Variants in MRAP2 observed in about 807,000 individuals in gnomAD.
MRAP2 encodes the protein melanocortin 2 receptor accessory protein 2.
A neutral mutation model predicts 17.4 loss-of-function variants in MRAP2; 20 were observed. That is an observed-to-expected ratio of 1.15 (90% CI 0.81 to 1.67). The LOEUF (loss-of-function observed/expected upper bound fraction) is 1.67, where lower values mean the gene tolerates loss of function less well. Among genes scored for constraint, MRAP2 ranks in the 40% most tolerant of loss-of-function variants. MRAP2 has a pLI of 0.00. For missense variants in MRAP2, 238 were observed against 240.0 expected (o/e 0.99, Z 0.05); for synonymous variants, 96 against 88.4 (o/e 1.09, Z -0.48).
At chr6:84,120,718 G>T in the MRAP2 span, among the ~76,000 whole-genome samples, 1 of 152,102 alleles carries the variant, frequency 6.6e-6, no homozygotes, top group Non-Finnish European at 1.5e-5. Flanking sequence ...CTTGCATTTG[G>T]AATGAATGGC....
chr6:84,142,507 A>C, the MRAP2 span, among the ~76,000 whole-genome samples: 6 of 152,170 alleles, frequency 3.9e-5, no homozygotes, highest in Admixed American at 2.0e-4. Context: ...ACAGAAAAAG[A>C]AGCACTTACA....
At chr6:84,136,908 C>G in the MRAP2 span, among the ~76,000 whole-genome samples, 1 of 152,168 alleles carries the variant, frequency 6.6e-6, no homozygotes, top group Non-Finnish European at 1.5e-5. Flanking sequence ...GGCCACACAC[C>G]AGGCACCTAG....
At chr6:84,079,046 A>G (rs186492383) in intron 3 of MRAP2, among the ~76,000 whole-genome samples, 2 of 152,312 alleles carry the variant, frequency 1.3e-5, no homozygotes, top group Non-Finnish European at 2.9e-5. Context: ...ACATGACTCA[A>G]TTCTATTCTT....
chr6:84,137,092 A>G, the MRAP2 span, among the ~76,000 whole-genome samples: 3 of 152,228 alleles, frequency 2.0e-5, no homozygotes, highest in Non-Finnish European at 4.4e-5. Flanking sequence ...CAAGGGAATA[A>G]GAGTCATACC....
rs1168701822 is a variant in MRAP2, at chr6:84,081,229, G to C, written c.228-7862G>C. Among the ~76,000 whole-genome samples the C allele has an allele frequency of 2.0e-5, 3 of 152,174 alleles. No individual in the cohort carries two copies. The East Asian group carries it at 5.8e-4, about 29-fold the overall frequency. Reference sequence around the variant, plus strand: ...ATGAAAAAGGTAGGCATTAAGAGGGGTCAAAGTCTCATTATGATATGGAGT... The same window carrying C: ...ATGAAAAAGGTAGGCATTAAGAGGGCTCAAAGTCTCATTATGATATGGAGT... On this transcript the variant is annotated intron_variant, in intron 3 of 3. Coordinates refer to ENST00000257776, the MANE Select transcript of MRAP2 (RefSeq NM_138409.4).
intron 1 of MRAP2, among the ~76,000 whole-genome samples, chr6:84,040,923 A>G (rs2099487379): frequency 6.6e-6 from 1 of 152,242 alleles, no homozygotes; most frequent in African/African-American, 2.4e-5. Flanking sequence ...AAATTTGCAT[A>G]AGTAACAAGG....
intron 1 of MRAP2, among the ~76,000 whole-genome samples, chr6:84,034,630 G>A (rs981734477): frequency 1.3e-5 from 2 of 151,798 alleles, no homozygotes; most frequent in Non-Finnish European, 2.9e-5. Flanking sequence ...ATGTTAGATG[G>A]CACAGAATCT....
chr6:84,114,348 C>G, the MRAP2 span, among the ~76,000 whole-genome samples: 1 of 151,888 alleles, frequency 6.6e-6, no homozygotes, highest in Non-Finnish European at 1.5e-5. Flanking sequence ...CTCTGATGTC[C>G]TTTCTTCCAC....
the MRAP2 span, among the ~76,000 whole-genome samples, chr6:84,142,615 A>G: frequency 6.6e-6 from 1 of 152,204 alleles, no homozygotes; most frequent in South Asian, 2.1e-4. Context: ...TGATTAGTTT[A>G]ACATTACTGA....
rs1000522362 is a variant in MRAP2, at chr6:84,057,579, A to G, written c.127+2134A>G. 5.8e-4 allele frequency among the ~76,000 whole-genome samples: 88 copies of G among 152,186 alleles called. 1 individual carries two copies. The highest frequency in any genetic ancestry group is 1.0e-4 in the Non-Finnish European group (7 of 68,022). On this transcript the variant is annotated intron_variant, in intron 2 of 3. Transcript: ENST00000257776. The stretch of plus-strand genomic sequence containing the variant: ...TGTATCAGAAGTGGACATGTATCTG[A>G]TACAGATTTGGCACCAACAAAGTGG...
chr6:84,055,467 A>G, intron 2 of MRAP2, 22 bp downstream of exon 2: 2 of 1,605,428 alleles, frequency 1.2e-6, no homozygotes, highest in South Asian at 1.1e-5. Context: ...ACAATTCCTC[A>G]TTGAAAGCAT....
chr6:84,037,204 A>G (rs750605742), intron 1 of MRAP2, among the ~76,000 whole-genome samples: 9 of 152,180 alleles, frequency 5.9e-5, no homozygotes, highest in Non-Finnish European at 1.0e-4. Flanking sequence ...CTTGAGCTAG[A>G]CACAGAGTGC....
the MRAP2 span, among the ~76,000 whole-genome samples, chr6:84,106,714 G>A: frequency 6.6e-6 from 1 of 152,168 alleles, no homozygotes. Context: ...TAGGAACGAT[G>A]GGCATTTGGG....
chr6:84,033,521 G>T (rs928296298), upstream of MRAP2, among the ~76,000 whole-genome samples: 1 of 152,196 alleles, frequency 6.6e-6, no homozygotes, highest in African/African-American at 2.4e-5. Context: ...TTGACCCGAG[G>T]GACCCACTGC....
chr6:84,143,501 G>T, the MRAP2 span, among the ~76,000 whole-genome samples: 1 of 152,102 alleles, frequency 6.6e-6, no homozygotes, highest in Middle Eastern at 3.4e-3. Flanking sequence ...TATGAGGAAT[G>T]AAGATGTGTT....
intron 3 of MRAP2, among the ~76,000 whole-genome samples, chr6:84,084,661 GGAGA>G (rs1440597693): frequency 6.6e-6 from 1 of 152,004 alleles, no homozygotes; most frequent in African/African-American, 2.4e-5. Context: ...ATAAAATAGA[GGAGA>G]GAGAGCCTAG....
the MRAP2 span, among the ~76,000 whole-genome samples, chr6:84,117,653 G>C: frequency 2.7e-5 from 3 of 112,090 alleles, no homozygotes; most frequent in African/African-American, 1.4e-4. Flanking sequence ...GTGTGTGTCT[G>C]TGTGTGTGTG....
downstream of MRAP2, among the ~76,000 whole-genome samples, chr6:84,094,014 C>T (rs1482109874): frequency 2.0e-5 from 3 of 152,286 alleles, no homozygotes; most frequent in Admixed American, 6.5e-5. Context: ...TCAAAGTTGG[C>T]AGTGTTTCTG....
chr6:84,053,761 A>G (rs1166005879), intron 1 of MRAP2, among the ~76,000 whole-genome samples: 1 of 152,220 alleles, frequency 6.6e-6, no homozygotes, highest in Non-Finnish European at 1.5e-5. Context: ...TCTTCATGTT[A>G]CTAGTGGGAA....
Sources: gnomAD v4.1 joint callset for allele counts (sites outside exome capture counted in the v4.1 genomes callset) on GRCh38, gnomAD v4.1.1 for gene constraint, MANE v1.5 for transcripts, NCBI Gene and HGNC (gene_info 2026-07-23, HGNC 2026-07-21) for gene names.